The following PIK3R3 variants were observed in gnomAD, a reference collection of about 807,000 sequenced individuals.
The protein encoded by PIK3R3 is phosphatidylinositol 3-kinase regulatory subunit gamma.
Under a neutral mutation model 62.9 loss-of-function variants are expected in PIK3R3, and 64 were observed. The observed-to-expected ratio is 1.02, with a 90% CI of 0.83 to 1.25. The LOEUF (loss-of-function observed/expected upper bound fraction) is 1.25, where lower values mean the gene tolerates loss of function less well. PIK3R3 is among the 50% of genes most tolerant of loss of function. PIK3R3 has a pLI of 0.00. For missense variants in PIK3R3, 614 were observed against 561.6 expected, an observed-to-expected ratio of 1.09 and a Z score of -0.94; for synonymous variants, 165 against 189.0, an observed-to-expected ratio of 0.87 and a Z score of 1.04.
At chr1:46,170,369 A>C in the PIK3R3 span, among the ~76,000 whole-genome samples, 3 of 152,138 alleles carry the variant, frequency 2.0e-5, no homozygotes, top group Admixed American at 1.3e-4. Flanking sequence ...CAGGAACCAG[A>C]AATGTGTTCT....
chr1:46,105,981 C>T lies in PIK3R3; in HGVS notation c.107-25231G>A, dbSNP rs879499196. Among the ~76,000 whole-genome samples the T allele has an allele frequency of 4.6e-5, 7 of 152,182 alleles. 1 individual carries two copies. Among genetic ancestry groups the T allele is most frequent in the Admixed American group, 2.6e-4 (4 of 15,270 alleles). ...ACCTTCAAAAAAATTACAATGATGA[C>T]TGCTTCTTGTGGAAATTAACTTACA... On this transcript the variant is annotated intron_variant, in intron 1 of 9. Coordinates refer to ENST00000262741, the MANE Select transcript of PIK3R3 (RefSeq NM_003629.4).
chr1:46,075,086 C>G (rs1649943426), intron 3 of PIK3R3, among the ~76,000 whole-genome samples: 2 of 152,168 alleles, frequency 1.3e-5, no homozygotes, highest in Admixed American at 1.3e-4. Flanking sequence ...TGGTTTTCTA[C>G]AAACGTTTGA....
Position 46,131,835 on chromosome 1 carries a change from TC to T in PIK3R3, c.106+11del, listed in dbSNP as rs778352493. 9 of 1,608,450 alleles carry T rather than the reference TC, an allele frequency of 5.6e-6. No individual in the cohort carries two copies. In the Admixed American group the frequency reaches 1.2e-4, roughly 21 times the overall value. On this transcript the variant is annotated intron_variant, in intron 1 of 9. Coordinates refer to ENST00000262741, the MANE Select transcript of PIK3R3 (RefSeq NM_003629.4). The stretch of plus-strand genomic sequence containing the variant: ...CCCATCACGAGATTCTTTTTTTTTT[TC>T]TCCCAAGTACCTGGAGGATCCATTT...
chr1:46,131,767 T>C, intron 1 of PIK3R3, 80 bp downstream of exon 1: 1 of 1,352,542 alleles, frequency 7.4e-7, no homozygotes, highest in South Asian at 1.2e-5. Context: ...GGAATACTTC[T>C]GCCCTGAAAA....
chr1:46,046,001 T>G lies in PIK3R3; in HGVS notation c.1104A>C (p.Ala368=). ...CAGGTTTCCCATAAAGCAAGTCCTC[T>G]GCTTGTACTCGATTGATATCCTCAA... ...WFVEDINRVQ[A]EDLLYGKPDG... The change falls in exon 9 of 10, where the codon GCA becomes GCC. Residue 368 remains alanine (A), a synonymous_variant. Coordinates refer to ENST00000262741, the MANE Select transcript of PIK3R3 (RefSeq NM_003629.4). 2 of 1,613,066 alleles carry G rather than the reference T, an allele frequency of 1.2e-6. No homozygotes were observed. The highest frequency in any genetic ancestry group is 1.7e-6 in the Non-Finnish European group (2 of 1,179,124).
intron 7 of PIK3R3, among the ~76,000 whole-genome samples, chr1:46,055,059 T>G (rs1045743897): frequency 6.8e-6 from 1 of 147,914 alleles, no homozygotes; most frequent in Non-Finnish European, 1.5e-5. Context: ...CCCACCACTA[T>G]GCCCAGCTAA....
intron 1 of PIK3R3, among the ~76,000 whole-genome samples, chr1:46,098,768 A>G (rs1010967874): frequency 6.6e-6 from 1 of 152,200 alleles, no homozygotes; most frequent in African/African-American, 2.4e-5. Context: ...CAGTGGCACT[A>G]TCATAGCTGA....
intron 8 of PIK3R3, 97 bp from the exon 9 acceptor site, chr1:46,046,185 TAAC>T: frequency 4.0e-6 from 3 of 753,718 alleles, no homozygotes; most frequent in Non-Finnish European, 6.4e-6. Flanking sequence ...AAACCACAAA[TAAC>T]AAAGCAAAAT....
chr1:46,137,276 T>C (rs1655964867), upstream of PIK3R3, among the ~76,000 whole-genome samples: 2 of 152,190 alleles, frequency 1.3e-5, no homozygotes, highest in African/African-American at 4.8e-5. Context: ...GTCCCTAACA[T>C]TGAGTCCAGA....
chr1:46,050,926 A>T (rs1489601275), intron 7 of PIK3R3, among the ~76,000 whole-genome samples: 1 of 152,250 alleles, frequency 6.6e-6, no homozygotes, highest in African/African-American at 2.4e-5. Context: ...CACCATGCTA[A>T]GTGAAAGAAG....
intron 1 of PIK3R3, among the ~76,000 whole-genome samples, chr1:46,090,668 G>A (rs1398803958): frequency 6.6e-6 from 1 of 152,016 alleles, no homozygotes; most frequent in Non-Finnish European, 1.5e-5. Flanking sequence ...AACCATGTAA[G>A]TTCACAATTA....
chr1:46,169,379 A>C, the PIK3R3 span, among the ~76,000 whole-genome samples: 1 of 152,182 alleles, frequency 6.6e-6, no homozygotes, highest in African/African-American at 2.4e-5. Context: ...TGACACATTT[A>C]GGATGTCAAA....
At chr1:46,105,309 G>A (rs1557615008) in intron 1 of PIK3R3, 3 of 235,188 alleles carry the variant, frequency 1.3e-5, no homozygotes, top group South Asian at 1.2e-4. Context: ...AGACCAACCT[G>A]GCCAACATGG....
At chr1:46,139,221 A>G in the PIK3R3 span, 3 of 152,124 alleles carry the variant, frequency 2.0e-5, no homozygotes, top group African/African-American at 7.2e-5. Flanking sequence ...TCAGTACCCC[A>G]TAAGACACTA....
At chr1:46,076,338 T>C (rs1051585264) in intron 3 of PIK3R3, among the ~76,000 whole-genome samples, 4 of 151,962 alleles carry the variant, frequency 2.6e-5, no homozygotes, top group African/African-American at 9.7e-5. Context: ...AGGAAGAAAA[T>C]CAGGAAAGTG....
the PIK3R3 span, among the ~76,000 whole-genome samples, chr1:46,140,408 G>T: frequency 2.0e-5 from 3 of 152,010 alleles, no homozygotes; most frequent in Non-Finnish European, 4.4e-5. Flanking sequence ...CTATTTTAAT[G>T]AGCTGAATAG....
intron 1 of PIK3R3, among the ~76,000 whole-genome samples, chr1:46,085,960 G>C (rs1011312812): frequency 6.6e-6 from 1 of 152,024 alleles, no homozygotes; most frequent in Non-Finnish European, 1.5e-5. Context: ...AGCTGGTCTC[G>C]ATCTCCTGGC....
the PIK3R3 span, among the ~76,000 whole-genome samples, chr1:46,163,435 T>C: frequency 3.9e-5 from 6 of 152,204 alleles, no homozygotes; most frequent in African/African-American, 1.4e-4. Context: ...CTGTGGGAGC[T>C]GTCTGCAGGA....
intron 1 of PIK3R3, among the ~76,000 whole-genome samples, chr1:46,089,999 G>A (rs144904614): frequency 6.6e-6 from 1 of 152,196 alleles, no homozygotes; most frequent in Non-Finnish European, 1.5e-5. Flanking sequence ...AGAAAAGGCC[G>A]GAAGAGTTAA....
Sources: allele counts gnomAD v4.1 joint callset (sites outside exome capture counted in the v4.1 genomes callset), GRCh38; gene constraint gnomAD v4.1.1; transcripts MANE v1.5; gene names NCBI Gene and HGNC (gene_info 2026-07-23, HGNC 2026-07-21).